The following SKAP1 variants were observed in gnomAD, a reference collection of about 807,000 sequenced individuals.
The protein encoded by SKAP1 is src kinase-associated phosphoprotein 1.
A neutral mutation model predicts 58.5 loss-of-function variants in SKAP1; 44 were observed. The observed-to-expected ratio is 0.75, with a 90% CI of 0.59 to 0.97. The LOEUF is 0.97. SKAP1 is among the 50% of genes least tolerant of loss of function. The pLI, the probability that SKAP1 is intolerant of heterozygous loss-of-function variation, is 0.00. For missense variants in SKAP1, 390 were observed against 435.2 expected (o/e 0.90, Z 0.92); for synonymous variants, 127 against 149.7 (o/e 0.85, Z 1.11).
chr17:48,318,502 A>G (rs1169552148), intron 4 of SKAP1, among the ~76,000 whole-genome samples: 1 of 152,070 alleles, frequency 6.6e-6, no homozygotes, highest in African/African-American at 2.4e-5. Context: ...TTAGGCTCTC[A>G]TGTGTTTGGA....
At chr17:48,176,911 A>G (rs767333392) in intron 9 of SKAP1, among the ~76,000 whole-genome samples, 6 of 152,238 alleles carry the variant, frequency 3.9e-5, no homozygotes, top group Non-Finnish European at 1.5e-5. Flanking sequence ...GGCTTTCCCT[A>G]TAGAGACAGT....
chr17:48,216,510 G>A (rs1263738421), intron 4 of SKAP1, among the ~76,000 whole-genome samples: 1 of 124,164 alleles, frequency 8.1e-6, no homozygotes, highest in Non-Finnish European at 1.7e-5. Context: ...TTTTTTTTTT[G>A]AGACAGGGTC....
chr17:48,377,059 G>A (rs1421266896), intron 2 of SKAP1, among the ~76,000 whole-genome samples: 3 of 152,148 alleles, frequency 2.0e-5, no homozygotes, highest in Non-Finnish European at 1.5e-5. Flanking sequence ...TGTTGAGTAA[G>A]GGACAGGGTA....
chr17:48,273,597 T>C (rs904682157), intron 4 of SKAP1, among the ~76,000 whole-genome samples: 5 of 152,092 alleles, frequency 3.3e-5, no homozygotes, highest in African/African-American at 9.7e-5. Context: ...TTTGTATTTT[T>C]AGCAGAGGCG....
At chr17:48,291,293 G>T (rs1048043626) in intron 4 of SKAP1, among the ~76,000 whole-genome samples, 1 of 151,958 alleles carries the variant, frequency 6.6e-6, no homozygotes, top group Admixed American at 6.6e-5. Flanking sequence ...TAAAATTTCT[G>T]AATTTTGGGG....
At chr17:48,242,976 A>G (rs2065257880) in intron 4 of SKAP1, among the ~76,000 whole-genome samples, 1 of 152,218 alleles carries the variant, frequency 6.6e-6, no homozygotes, top group East Asian at 1.9e-4. Context: ...TCTTGGCATT[A>G]TAACAATAAA....
intron 4 of SKAP1, among the ~76,000 whole-genome samples, chr17:48,210,814 A>T (rs1465292265): frequency 5.9e-5 from 9 of 152,162 alleles, no homozygotes; most frequent in African/African-American, 2.2e-4. Flanking sequence ...TCATTTCATC[A>T]CTGTGGTATC....
intron 10 of SKAP1, among the ~76,000 whole-genome samples, chr17:48,163,178 A>G (rs2143293236): frequency 6.6e-6 from 1 of 152,302 alleles, no homozygotes; most frequent in African/African-American, 2.4e-5. Context: ...TTACAACTAA[A>G]TTCTGGGTGG....
chr17:48,259,128 A>G (rs2065457669), intron 4 of SKAP1, among the ~76,000 whole-genome samples: 1 of 152,142 alleles, frequency 6.6e-6, no homozygotes, highest in Admixed American at 6.6e-5. Context: ...TCTACAGTAC[A>G]TGCTGCAAAA....
intron 11 of SKAP1, among the ~76,000 whole-genome samples, chr17:48,142,593 C>G (rs1223723893): frequency 6.6e-6 from 1 of 152,168 alleles, no homozygotes; most frequent in Non-Finnish European, 1.5e-5. Context: ...AAGATATTCC[C>G]CTGGTGATTG....
chr17:48,280,314 A>G (rs528296860), intron 4 of SKAP1, among the ~76,000 whole-genome samples: 1 of 152,222 alleles, frequency 6.6e-6, no homozygotes, highest in South Asian at 2.1e-4. Flanking sequence ...TACTAAAAAT[A>G]CAAAAATCAG....
In SKAP1 at chr17:48,301,912, A is replaced by G. The variant is rs113741478; in HGVS notation, c.280+43993T>C. ...AGCTTTCTTTAATGAGCTTACAGAA[A>G]TAGGAAATATCTCATCCTCAGTTGT... On this transcript the variant is annotated intron_variant, in intron 4 of 12. Coordinates refer to ENST00000336915, the MANE Select transcript of SKAP1 (RefSeq NM_003726.4). Among the ~76,000 whole-genome samples the G allele has an allele frequency of 8.5e-5, 13 of 152,352 alleles. 2 individuals carry two copies. The highest frequency in any genetic ancestry group is 1.4e-4 in the African/African-American group (6 of 41,586).
chr17:48,150,087 C>G (rs2063882954), intron 11 of SKAP1, among the ~76,000 whole-genome samples: 1 of 152,208 alleles, frequency 6.6e-6, no homozygotes, highest in Non-Finnish European at 1.5e-5. Flanking sequence ...TTGAAATTAA[C>G]TTTTTATGTG....
chr17:48,439,188 A>G, the SKAP1 span, among the ~76,000 whole-genome samples: 1 of 152,222 alleles, frequency 6.6e-6, no homozygotes, highest in Non-Finnish European at 1.5e-5. Flanking sequence ...TAGCATCTGC[A>G]CTTTCAACAC....
intron 11 of SKAP1, among the ~76,000 whole-genome samples, chr17:48,149,507 G>A (rs560777931): frequency 2.0e-5 from 3 of 152,114 alleles, no homozygotes; most frequent in African/African-American, 7.2e-5. Context: ...TCCCAGTTGC[G>A]GAGCCCTACA....
chr17:48,322,457 A>G (rs1391384579), intron 4 of SKAP1, among the ~76,000 whole-genome samples: 1 of 152,182 alleles, frequency 6.6e-6, no homozygotes, highest in African/African-American at 2.4e-5. Context: ...CACTCAAGGT[A>G]TAACGGAAAG....
chr17:48,333,754 C>G (rs1402366286), intron 4 of SKAP1, among the ~76,000 whole-genome samples: 1 of 152,014 alleles, frequency 6.6e-6, no homozygotes, highest in African/African-American at 2.4e-5. Context: ...TTAGCTCCTT[C>G]TAATGTATCT....
Position 48,151,666 on chromosome 17 carries a change from C to G in SKAP1, c.978+10803G>C, listed in dbSNP as rs150345310. Among the ~76,000 whole-genome samples the G allele has an allele frequency of 6.2e-4, 95 of 152,272 alleles. No individual in the cohort carries two copies. In the East Asian group the frequency reaches 0.018, roughly 28 times the overall value. ...CCTTGCACTGCCAGGAGATTCTTCTCCTTTGTTTAATAGTTAGAAACCAAT... is the reference window on the plus strand; with the variant it reads ...CCTTGCACTGCCAGGAGATTCTTCTGCTTTGTTTAATAGTTAGAAACCAAT... On this transcript the variant is annotated intron_variant, in intron 11 of 12. Transcript: ENST00000336915.
chr17:48,423,999 A>C (rs978430909), intron 1 of SKAP1, among the ~76,000 whole-genome samples: 2 of 152,220 alleles, frequency 1.3e-5, no homozygotes, highest in South Asian at 2.1e-4. Context: ...GCAAAAAAAA[A>C]CTCACTTAAC....
Sources: allele counts gnomAD v4.1 joint callset (sites outside exome capture counted in the v4.1 genomes callset), GRCh38; gene constraint gnomAD v4.1.1; transcripts MANE v1.5; gene names NCBI Gene and HGNC (gene_info 2026-07-23, HGNC 2026-07-21).